DHX37: variants seen among roughly 807,000 people sequenced by gnomAD.
DHX37 encodes the protein DEAH-box helicase 37.
DHX37 carries 52 observed loss-of-function variants against 134.3 expected under a neutral mutation model. The ratio of observed to expected loss-of-function variants is 0.39; its 90% confidence interval spans 0.31 to 0.49. DHX37 has a LOEUF of 0.49. DHX37 is among the 20% of genes least tolerant of loss of function. The pLI is 0.93. For missense variants in DHX37, 1,344 were observed against 1,580.8 expected (o/e 0.85, Z 2.54); for synonymous variants, 634 against 670.7 (o/e 0.95, Z 0.85).
rs757173260 is a variant in DHX37, at chr12:124,979,373, G to A, written c.738+1117C>T. Among the ~76,000 whole-genome samples, 3 of 152,008 alleles carry A rather than the reference G, an allele frequency of 2.0e-5. 1 individual carries two copies. The highest frequency in any genetic ancestry group is 6.8e-3 in the Middle Eastern group (2 of 294). On this transcript the variant is annotated intron_variant, in intron 4 of 26. Coordinates refer to ENST00000308736, the MANE Select transcript of DHX37 (RefSeq NM_032656.4). ...GACAGAGTGAGACCCTGTTTCAAACGAACAAACAACAAAAACAGCAGTGAA... is the reference window on the plus strand; with the variant it reads ...GACAGAGTGAGACCCTGTTTCAAACAAACAAACAACAAAAACAGCAGTGAA...
chr12:124,952,462 TC>T lies in DHX37; in HGVS notation c.2803del (p.Asp935ThrfsTer59). The T allele has an allele frequency of 1.2e-6, 2 of 1,610,044 alleles. No homozygotes were observed. On this transcript the variant is annotated frameshift_variant, in exon 21 of 27. Transcript: ENST00000308736. LOFTEE classifies it high-confidence loss of function. ...GCTCTGGACCCTGCGGGCCAAGTGGTCCCCCAGGCCTGCCGTCACGATCTGT... is the reference window on the plus strand; with the variant it reads ...GCTCTGGACCCTGCGGGCCAAGTGGTCCCCAGGCCTGCCGTCACGATCTGT... ...LRQIVTAGLGDHLARRVQSEE... is the reference protein window; with the variant it reads ...LRQIVTAGLGXHLARRVQSEE...
Position 124,957,064 on chromosome 12 carries a change from T to C in DHX37, c.2229A>G (p.Ala743=). 3 of 1,506,166 alleles carry C rather than the reference T, an allele frequency of 2.0e-6. No individual in the cohort carries two copies. The highest frequency in any genetic ancestry group is 2.6e-6 in the Non-Finnish European group (3 of 1,132,308). The allele number at this position is 1,506,166 out of a possible 1,614,324, so 93.3% of individuals were successfully genotyped here. A position where few individuals can be genotyped will look rare whatever the true frequency, so the allele number is the denominator to read the frequency against. Residue 743 remains alanine, a synonymous_variant, in exon 17 of 27, where the codon GCA becomes GCG. Transcript: ENST00000308736. ...ALLAAEELLI[A]LGALQPPQKA... is the part of the protein sequence containing the mutation. ...TCTGGGGCGGTTGCAGGGCACCCAG[T>C]GCGATCAACAGCTCCTCGGCGGCAA...
chr12:124,966,479 T>A (rs1954390029), intron 12 of DHX37, among the ~76,000 whole-genome samples: 1 of 152,192 alleles, frequency 6.6e-6, no homozygotes, highest in Admixed American at 6.5e-5. Flanking sequence ...TTCTCCCACC[T>A]CAGCCTCTGA....
At chr12:124,971,953 G>C (rs886381260) in intron 7 of DHX37, among the ~76,000 whole-genome samples, 3 of 152,256 alleles carry the variant, frequency 2.0e-5, no homozygotes, top group Non-Finnish European at 4.4e-5. Flanking sequence ...TTTACAAATG[G>C]AAAGTCCTTG....
intron 2 of DHX37, among the ~76,000 whole-genome samples, chr12:124,985,403 A>G (rs547449492): frequency 5.3e-5 from 8 of 152,220 alleles, no homozygotes; most frequent in Admixed American, 2.6e-4. Context: ...TCCCTTGCAA[A>G]TGTTTGAATT....
Position 124,980,644 on chromosome 12 carries a change from G to A in DHX37, c.584C>T (p.Thr195Ile). Reference sequence around the variant, plus strand: ...TGGAGCTGGCGGCAGAGGTGCCACGGTGGTCCCCACACCAGCCTCAGCCGG... The same window carrying A: ...TGGAGCTGGCGGCAGAGGTGCCACGATGGTCCCCACACCAGCCTCAGCCGG... ...AEPAEAGVGT[T>I]VAPLPPAPAP... Residue 195 changes from threonine to isoleucine, a missense_variant, in exon 4 of 27, where the codon ACC (threonine) becomes ATC (isoleucine). Thr to Ile is a moderately conservative substitution (Grantham distance 89, BLOSUM62 -1). Around this residue, in one of 7 missense-constraint regions of DHX37, gnomAD observed 319 missense variants for 296.1 expected, o/e 1.08. Coordinates refer to ENST00000308736, the MANE Select transcript of DHX37 (RefSeq NM_032656.4). The surrounding 1 kb of genome is among the most constrained non-coding windows in gnomAD (Gnocchi z 5.3). The A allele has an allele frequency of 6.2e-7, 1 of 1,605,872 alleles. No individual in the cohort carries two copies. Among genetic ancestry groups the A allele is most frequent in the Non-Finnish European group, 8.5e-7 (1 of 1,178,468 alleles).
chr12:124,987,094 G>A (rs1324895922), intron 1 of DHX37, among the ~76,000 whole-genome samples: 1 of 152,212 alleles, frequency 6.6e-6, no homozygotes, highest in Non-Finnish European at 1.5e-5. Flanking sequence ...GGTGGCGCAC[G>A]CCTGCAATCC....
At chr12:124,976,905 G>A (rs1262396844) in intron 5 of DHX37, among the ~76,000 whole-genome samples, 1 of 151,308 alleles carries the variant, frequency 6.6e-6, no homozygotes, top group African/African-American at 2.4e-5. Context: ...AAATTAGCTG[G>A]GTGTGGTGGC....
rs1373757709 is a variant in DHX37 at position 124,980,021 on chromosome 12, A to G, written c.738+469T>C. Reference sequence around the variant, plus strand: ...CCCAAATCCTTTCATTGTCATCACAACCCAGTGAGACACTCATTGTACCAG... The same window carrying G: ...CCCAAATCCTTTCATTGTCATCACAGCCCAGTGAGACACTCATTGTACCAG... On this transcript the variant is annotated intron_variant, in intron 4 of 26. Transcript: ENST00000308736. This position sits in a 1 kb window ranked among gnomAD's most constrained non-coding sequence, Gnocchi z 5.3. Among the ~76,000 whole-genome samples, 1 of 152,216 alleles carries G rather than the reference A, an allele frequency of 6.6e-6. No individual in the cohort carries two copies. The highest frequency in any genetic ancestry group is 2.4e-5 in the African/African-American group (1 of 41,444).
chr12:124,977,639 CCATGGTCCAGGAGA>C (rs1213110007), intron 4 of DHX37, 149 bp from the exon 5 acceptor site: 1 of 850,388 alleles, frequency 1.2e-6, no homozygotes, highest in Non-Finnish European at 1.6e-6. Context: ...GGACCAGGAG[CCATGGTCCAGGAGA>C]GACAGAGACA....
chr12:124,972,461 T>A (rs774170541), intron 7 of DHX37, 42 bp downstream of exon 7: 1 of 1,606,864 alleles, frequency 6.2e-7, no homozygotes, highest in Non-Finnish European at 8.5e-7. Flanking sequence ...CCCGCCCCCA[T>A]GCCCACTGGC....
In DHX37 at chr12:124,980,736, C is replaced by CGAT; in HGVS notation, c.491_492insATC (p.Glu164_Glu165insSer). 6.4e-7 allele frequency: 1 copy of CGAT among 1,557,136 alleles called. No individual in the cohort carries two copies. The highest frequency in any genetic ancestry group is 8.7e-7 in the Non-Finnish European group (1 of 1,152,838). On this transcript the variant is annotated inframe_insertion, in exon 4 of 27. Transcript: ENST00000308736. This position sits in a 1 kb window ranked among gnomAD's most constrained non-coding sequence, Gnocchi z 5.3. Reference sequence around the variant, plus strand: ...GCTCCGATTCCGACTCCTCCTCCTCCTCCTCCTCCTCCTCAGCTGAGGGCC... The same window carrying CGAT: ...GCTCCGATTCCGACTCCTCCTCCTCCGATTCCTCCTCCTCCTCAGCTGAGGGCC...
chr12:124,964,947 G>C lies in DHX37; in HGVS notation c.1795C>G (p.Pro599Ala). Residue 599 changes from proline to alanine, a missense_variant, in exon 14 of 27, where the codon CCA (proline) becomes GCA (alanine). This residue lies in a region of DHX37 where 289 missense variants were observed against 323.8 expected (regional missense o/e 0.89). Transcript: ENST00000308736. ...HVLPLYSLLAPEKQAQVFKPP... is the reference protein window; with the variant it reads ...HVLPLYSLLAAEKQAQVFKPP... ...ACGGTTACCTGTGCTTGCTTCTCTG[G>C]GGCCAGCAGAGAGTACAGCGGGAGC... 1.3e-6 allele frequency: 2 copies of C among 1,596,038 alleles called. No individual in the cohort carries two copies. The highest frequency in any genetic ancestry group is 1.7e-6 in the Non-Finnish European group (2 of 1,173,060).
At chr12:124,985,911 TGCATTTCAAGTGCTCAACA>T (rs1248162185) in intron 2 of DHX37, among the ~76,000 whole-genome samples, 166 bp downstream of exon 2, 2 of 151,968 alleles carry the variant, frequency 1.3e-5, no homozygotes, top group Non-Finnish European at 2.9e-5. Context: ...CCATAGTAGC[TGCATTTCAAGTGCTCAACA>T]GCAATATGTG....
chr12:124,979,043 G>T (rs1594508347), intron 4 of DHX37, among the ~76,000 whole-genome samples: 1 of 152,052 alleles, frequency 6.6e-6, no homozygotes, highest in East Asian at 1.9e-4. Flanking sequence ...ATAGGAGAGG[G>T]ACAAGAACGT....
At chr12:124,960,022 G>C (rs938803005) in intron 16 of DHX37, among the ~76,000 whole-genome samples, 1 of 152,246 alleles carries the variant, frequency 6.6e-6, no homozygotes, top group Non-Finnish European at 1.5e-5. Context: ...GCCAGGAAGA[G>C]CCGGCAGCAC....
intron 18 of DHX37, among the ~76,000 whole-genome samples, chr12:124,955,796 T>C (rs1489226322): frequency 6.6e-6 from 1 of 152,228 alleles, no homozygotes; most frequent in Non-Finnish European, 1.5e-5. Flanking sequence ...TAAGTAAGGT[T>C]TTAAGTCAGT....
chr12:124,961,112 C>G (rs1302179933), intron 15 of DHX37, among the ~76,000 whole-genome samples: 1 of 152,240 alleles, frequency 6.6e-6, no homozygotes, highest in Non-Finnish European at 1.5e-5. Flanking sequence ...ACAAAAGGAA[C>G]AGCAATAAAG....
chr12:124,949,020 G>A lies in DHX37; in HGVS notation c.3291-839C>T, dbSNP rs907386232. Among the ~76,000 whole-genome samples, 1 of 152,062 alleles carries A rather than the reference G, an allele frequency of 6.6e-6. No individual in the cohort carries two copies. The highest frequency in any genetic ancestry group is 1.5e-5 in the Non-Finnish European group (1 of 68,004). Reference sequence around the variant, plus strand: ...CAGATTTGTGCCCAGCTGCAGCCCTGGCTCCTTTGAATCTGCCCAGTGAGG... The same window carrying A: ...CAGATTTGTGCCCAGCTGCAGCCCTAGCTCCTTTGAATCTGCCCAGTGAGG... On this transcript the variant is annotated intron_variant, in intron 25 of 26. Coordinates refer to ENST00000308736, the MANE Select transcript of DHX37 (RefSeq NM_032656.4). This position sits in a 1 kb window ranked among gnomAD's most constrained non-coding sequence, Gnocchi z 4.0.
Sources: allele counts gnomAD v4.1 joint callset (sites outside exome capture counted in the v4.1 genomes callset), GRCh38; gene constraint gnomAD v4.1.1; regional missense constraint gnomAD v4.1.1; non-coding constraint Gnocchi (gnomAD v3.1); transcripts MANE v1.5; gene names NCBI Gene and HGNC (gene_info 2026-07-23, HGNC 2026-07-21).